Variants in HTR4 observed in about 807,000 individuals in gnomAD.
HTR4 encodes 5-hydroxytryptamine receptor 4, also known as 5-hydroxytryptamine (serotonin) receptor 4, G protein-coupled.
A neutral mutation model predicts 36.8 loss-of-function variants in HTR4; 16 were observed. That is an observed-to-expected ratio of 0.43 (90% confidence interval 0.29 to 0.66). HTR4 has a LOEUF of 0.66. Ranked by LOEUF, HTR4 falls within the 30% of genes least tolerant of loss-of-function variation. The probability of loss-of-function intolerance (pLI) is 0.13; values close to 1 mark genes in which losing one functional copy is unlikely to be tolerated. For synonymous variants in HTR4, 189 were observed against 185.1 expected (o/e 1.02, Z -0.17); for missense variants, 438 against 490.9 (o/e 0.89, Z 1.02).
chr5:148,625,435 T>C (rs1753064337), intron 2 of HTR4, among the ~76,000 whole-genome samples: 1 of 152,194 alleles, frequency 6.6e-6, no homozygotes, highest in South Asian at 2.1e-4. Context: ...CTTTAAAAAA[T>C]ACATGACTAA....
chr5:148,527,930 A>T (rs145707175), intron 4 of HTR4, among the ~76,000 whole-genome samples: 1 of 152,142 alleles, frequency 6.6e-6, no homozygotes, highest in African/African-American at 2.4e-5. Flanking sequence ...CACATTTTAC[A>T]TATACAGTCA....
intron 2 of HTR4, among the ~76,000 whole-genome samples, chr5:148,553,510 G>A (rs997170962): frequency 6.6e-6 from 1 of 152,188 alleles, no homozygotes; most frequent in African/African-American, 2.4e-5. Flanking sequence ...AAGTGACTCT[G>A]ATGTGTAATG....
chr5:148,634,651 C>T (rs1192920598), intron 2 of HTR4, among the ~76,000 whole-genome samples: 1 of 152,156 alleles, frequency 6.6e-6, no homozygotes, highest in South Asian at 2.1e-4. Flanking sequence ...GAAGTCAGCA[C>T]ACACATTAAA....
chr5:148,505,977 C>T (rs1757181319), intron 6 of HTR4, among the ~76,000 whole-genome samples: 2 of 152,046 alleles, frequency 1.3e-5, no homozygotes, highest in African/African-American at 4.8e-5. Flanking sequence ...CAATGCCATC[C>T]CCATCAAGCT....
intron 2 of HTR4, among the ~76,000 whole-genome samples, chr5:148,576,133 A>AAAAAAAAAAAAAAAAAAAAAT (rs1760905014): frequency 6.8e-6 from 1 of 147,496 alleles, no homozygotes; most frequent in Non-Finnish European, 1.5e-5. Flanking sequence ...AAAAAAAAAA[A>AAAAAAAAAAAAAAAAAAAAAT]CAAAATCAAT....
intron 5 of HTR4, among the ~76,000 whole-genome samples, chr5:148,457,167 A>G (rs1449856774): frequency 6.6e-6 from 1 of 152,128 alleles, no homozygotes; most frequent in Non-Finnish European, 1.5e-5. Flanking sequence ...TCAGAGTGGC[A>G]AAAGTCTCCC....
chr5:148,579,394 AG>A (rs1223839546), intron 2 of HTR4, among the ~76,000 whole-genome samples: 12 of 152,052 alleles, frequency 7.9e-5, no homozygotes, highest in Admixed American at 2.0e-4. Context: ...CCCTACGTTA[AG>A]AGAGATTAAA....
chr5:148,548,586 A>T, intron 4 of HTR4, 82 bp downstream of exon 4: 1 of 1,093,038 alleles, frequency 9.1e-7, no homozygotes. Flanking sequence ...TCTAATGAAT[A>T]AGAAAAGGCA....
chr5:148,475,012 T>G (rs940459641), downstream of HTR4, among the ~76,000 whole-genome samples: 2 of 151,418 alleles, frequency 1.3e-5, no homozygotes, highest in Non-Finnish European at 2.9e-5. Flanking sequence ...GCCACTGCAC[T>G]CCAGCCTGGA....
chr5:148,555,655 A>G (rs1254340421), intron 2 of HTR4, among the ~76,000 whole-genome samples: 1 of 152,100 alleles, frequency 6.6e-6, no homozygotes, highest in Non-Finnish European at 1.5e-5. Flanking sequence ...TGTCCACTCC[A>G]CTAAATTGGT....
chr5:148,625,921 T>G (rs1392211222), intron 2 of HTR4, among the ~76,000 whole-genome samples: 2 of 151,792 alleles, frequency 1.3e-5, no homozygotes, highest in Non-Finnish European at 2.9e-5. Flanking sequence ...AACCCTTTTG[T>G]TTTTTCATTT....
chr5:148,559,025 C>G (rs567978352), intron 2 of HTR4, among the ~76,000 whole-genome samples: 2 of 152,292 alleles, frequency 1.3e-5, no homozygotes, highest in Admixed American at 1.3e-4. Context: ...TAAATGTGCT[C>G]AGAAAGCTTA....
rs1383928052 is a variant in HTR4 at position 148,451,255 on chromosome 5, C to A, written c.1094G>T (p.Arg365Met). ...TTTCTCGAGTTCCTGATGATGTCCCCTGTGCAGAACGGTGTACCTAGAAAG... is the reference window on the plus strand; with the variant it reads ...TTTCTCGAGTTCCTGATGATGTCCCATGTGCAGAACGGTGTACCTAGAAAG... The change falls in exon 6 of 6, where the codon AGG becomes ATG. Residue 365 changes from arginine (R) to methionine (M), a missense_variant. By Grantham distance (91) the Arg-to-Met change is moderately conservative. Coordinates refer to the HTR4 transcript ENST00000521530. The A allele has an allele frequency of 2.5e-6, 4 of 1,613,840 alleles. No homozygotes were observed. In the South Asian group the frequency reaches 4.4e-5, roughly 18 times the overall value.
In HTR4 at chr5:148,547,721, G is replaced by T. The variant is rs1266554712; in HGVS notation, c.353+947C>A. Among the ~76,000 whole-genome samples, 7 of 151,830 alleles carry T rather than the reference G, an allele frequency of 4.6e-5. No homozygotes were observed. The South Asian group carries it at 1.3e-3, about 27-fold the overall frequency. On this transcript the variant is annotated intron_variant, in intron 4 of 6. Coordinates refer to ENST00000377888, the MANE Select transcript of HTR4 (RefSeq NM_000870.7). ...CAGCCTGGGTAACATAGTGAGACTT[G>T]TCCCTATAAAAAATAAATAAGAATA...
chr5:148,480,813 A>T (rs1755854203), downstream of HTR4, among the ~76,000 whole-genome samples: 1 of 152,222 alleles, frequency 6.6e-6, no homozygotes, highest in Non-Finnish European at 1.5e-5. Flanking sequence ...CCCGGTAAAT[A>T]AATTCATAGT....
In HTR4 at chr5:148,561,865, C is replaced by T. The variant is rs41381548; in HGVS notation, c.27-11603G>A. Among the ~76,000 whole-genome samples, 1,135 of 152,312 alleles carry T rather than the reference C, an allele frequency of 7.5e-3. 20 individuals carry two copies. The highest frequency in any genetic ancestry group is 0.026 in the African/African-American group (1,080 of 41,556). On this transcript the variant is annotated intron_variant, in intron 2 of 6. Transcript: ENST00000377888. ...TCAAGGAAAAGTGGACTTTCCCATA[C>T]TCTGATAGTAACCTGCTCTCCATTC...
intron 5 of HTR4, among the ~76,000 whole-genome samples, chr5:148,514,582 T>A (rs1206171101): frequency 6.6e-6 from 1 of 152,164 alleles, no homozygotes; most frequent in African/African-American, 2.4e-5. Context: ...TAACCCAATG[T>A]CACTTACCCT....
chr5:148,496,858 G>C (rs1369635093), intron 6 of HTR4, among the ~76,000 whole-genome samples: 1 of 152,184 alleles, frequency 6.6e-6, no homozygotes, highest in Non-Finnish European at 1.5e-5. Flanking sequence ...TGTATCCCTT[G>C]CTTCAGTGGT....
intron 2 of HTR4, among the ~76,000 whole-genome samples, chr5:148,618,204 C>T (rs950005528): frequency 2.6e-5 from 4 of 152,118 alleles, no homozygotes; most frequent in African/African-American, 9.7e-5. Flanking sequence ...AGAACATGCC[C>T]ACTCTGAAGC....
Sources: gnomAD v4.1 joint callset for allele counts (sites outside exome capture counted in the v4.1 genomes callset) on GRCh38, gnomAD v4.1.1 for gene constraint, MANE v1.5 for transcripts, NCBI Gene and HGNC (gene_info 2026-07-23, HGNC 2026-07-21) for gene names.